The following FN1 variants were observed in gnomAD, a reference collection of about 807,000 sequenced individuals.
FN1 encodes fibronectin 1.
A neutral mutation model predicts 297.3 loss-of-function variants in FN1; 106 were observed. That is an observed-to-expected ratio of 0.36 (90% CI 0.30 to 0.42). The LOEUF is 0.42. Among genes scored for constraint, FN1 ranks in the 10% least tolerant of loss-of-function variants. The probability of loss-of-function intolerance (pLI) is 1.00; values close to 1 mark genes in which losing one functional copy is unlikely to be tolerated. For missense variants in FN1, 2,690 were observed against 3,124.9 expected (o/e 0.86, Z 3.32); for synonymous variants, 1,149 against 1,152.6 (o/e 1.00, Z 0.06).
chr2:215,401,512 G>A (rs1416956406), intron 20 of FN1, among the ~76,000 whole-genome samples: 1 of 152,124 alleles, frequency 6.6e-6, no homozygotes, highest in East Asian at 1.9e-4. Context: ...CATAGCTCTG[G>A]TCACATGTTT....
At position 215,404,433 on chromosome 2, in the gene FN1, T is replaced by G; in HGVS notation, c.3209A>C (p.Lys1070Thr). 6.2e-7 allele frequency: 1 copy of G among 1,614,196 alleles called. No individual in the cohort carries two copies. The highest frequency in any genetic ancestry group is 8.5e-7 in the Non-Finnish European group (1 of 1,180,024). Residue 1070 changes from lysine to threonine, a missense_variant, in exon 20 of 46, where the codon AAG becomes ACG. Around this residue, in one of 3 missense-constraint regions of FN1, gnomAD observed 1,743 missense variants for 1,945.2 expected, o/e 0.90. Coordinates refer to ENST00000354785, the MANE Select transcript of FN1 (RefSeq NM_212482.4). Reference protein sequence around the residue: ...SEYTVSLVAIKGNQESPKATG... With the variant: ...SEYTVSLVAITGNQESPKATG... ...GGCTTTGGGGCTCTCTTGGTTGCCC[T>G]TTATGGCCACGAGGGATACGGTGTA...
chr2:215,410,132 C>CAT lies in FN1; in HGVS notation c.1942-19_1942-18insAT. 1 of 631,980 alleles carries CAT rather than the reference C, an allele frequency of 1.6e-6. No individual in the cohort carries two copies. 39.1% of individuals were successfully genotyped at this position (631,980 alleles called of 1,614,324 possible). A position where few individuals can be genotyped will look rare whatever the true frequency, so the allele number is the denominator to read the frequency against. ...GAATTTTTCTGAAAATTTAAATTAA[C>CAT]ACACACACACACACACACACGTGTT... On this transcript the variant is annotated intron_variant, in intron 13 of 45. Transcript: ENST00000354785.
chr2:215,389,293 G>A (rs1308045312), intron 26 of FN1, among the ~76,000 whole-genome samples: 5 of 151,772 alleles, frequency 3.3e-5, no homozygotes, highest in African/African-American at 1.2e-4. Context: ...TAATAGAGAC[G>A]GGGCTTCACC....
intron 2 of FN1, 42 bp downstream of exon 2, chr2:215,434,654 A>T (rs1415847583): frequency 6.2e-7 from 1 of 1,611,754 alleles, no homozygotes; most frequent in African/African-American, 1.3e-5. Flanking sequence ...TTACCACTTC[A>T]TGTATTAAAA....
chr2:215,388,570 G>A (rs1324498467), intron 26 of FN1, among the ~76,000 whole-genome samples: 1 of 152,214 alleles, frequency 6.6e-6, no homozygotes, highest in Non-Finnish European at 1.5e-5. Context: ...CGAGTGGGAT[G>A]AAGTTGCTGC....
intron 20 of FN1, among the ~76,000 whole-genome samples, chr2:215,402,545 T>C (rs1246799789): frequency 6.6e-6 from 1 of 152,196 alleles, no homozygotes; most frequent in African/African-American, 2.4e-5. Flanking sequence ...TACAGAAATT[T>C]AGTAATTTCA....
At chr2:215,433,506 G>A (rs958162796) in intron 2 of FN1, 45 bp from the exon 3 acceptor site, 8 of 1,591,390 alleles carry the variant, frequency 5.0e-6, no homozygotes, top group Non-Finnish European at 6.9e-6. Context: ...TTAGGTACAA[G>A]CTTTTCTAGT....
At position 215,431,927 on chromosome 2, in the gene FN1, A is replaced by G; in HGVS notation, c.453T>C (p.Gly151=). The change falls in exon 4 of 46, where the codon GGT becomes GGC. Residue 151 remains glycine (G), a synonymous_variant. Coordinates refer to ENST00000354785, the MANE Select transcript of FN1 (RefSeq NM_212482.4). ...CHEGGQSYKI[G]DTWRRPHETG... ...TCTCATGTGGTCTCCTCCAGGTGTC[A>G]CCAATCTTGTAGGACTGACCCCCTT... is the stretch of plus-strand genomic sequence containing the variant. The G allele has an allele frequency of 6.2e-7, 1 of 1,614,140 alleles. No homozygotes were observed. Among genetic ancestry groups the G allele is most frequent in the East Asian group, 2.2e-5 (1 of 44,880 alleles).
At chr2:215,382,666 A>T (rs2058371289) in intron 31 of FN1, among the ~76,000 whole-genome samples, 1 of 152,226 alleles carries the variant, frequency 6.6e-6, no homozygotes, top group Non-Finnish European at 1.5e-5. Flanking sequence ...CTATTTAAAA[A>T]CAAAGACAAC....
intron 40 of FN1, 61 bp from the exon 41 acceptor site, chr2:215,370,493 TCTC>T: frequency 2.2e-6 from 3 of 1,383,138 alleles, no homozygotes; most frequent in Non-Finnish European, 3.0e-6. Context: ...TGACACGGGC[TCTC>T]CTCTTACCAA....
intron 20 of FN1, among the ~76,000 whole-genome samples, chr2:215,399,722 C>A (rs1156444782): frequency 6.6e-6 from 1 of 152,114 alleles, no homozygotes; most frequent in Non-Finnish European, 1.5e-5. Flanking sequence ...TAATCTAATT[C>A]ATGTCTTTTT....
intron 23 of FN1, 111 bp from the exon 24 acceptor site, chr2:215,394,830 A>G: frequency 1.3e-6 from 1 of 784,434 alleles, no homozygotes; most frequent in South Asian, 1.4e-5. Flanking sequence ...CTTGGCATTT[A>G]CTGAGGACTC....
intron 13 of FN1, among the ~76,000 whole-genome samples, chr2:215,412,625 C>G (rs776512083): frequency 1.3e-5 from 2 of 152,076 alleles, no homozygotes; most frequent in Non-Finnish European, 2.9e-5. Context: ...TGTGCCCAGA[C>G]AAAGTTGAGG....
chr2:215,388,139 A>G, intron 27 of FN1, 73 bp downstream of exon 27: 1 of 1,044,902 alleles, frequency 9.6e-7, no homozygotes, highest in Non-Finnish European at 1.5e-6. Context: ...TATTTTTAGA[A>G]GTAGCATTTC....
At position 215,410,059 on chromosome 2, in the gene FN1, T is replaced by C. The variant is rs1484756074; in HGVS notation, c.1997A>G (p.Tyr666Cys). 2.5e-6 allele frequency: 4 copies of C among 1,613,996 alleles called. No individual in the cohort carries two copies. Among genetic ancestry groups the C allele is most frequent in the Non-Finnish European group, 3.4e-6 (4 of 1,179,982 alleles). Residue 666 changes from tyrosine to cysteine, a missense_variant, in exon 14 of 46, where the codon TAC becomes TGC. Coordinates refer to ENST00000354785, the MANE Select transcript of FN1 (RefSeq NM_212482.4). ...ACCAGGCTTCAGGCCTTTGATGGTG[T>C]AGGAGTTTAAGTGGCCTGGTATGGT... is the stretch of plus-strand genomic sequence containing the variant. ...EATIPGHLNSYTIKGLKPGVV... is the reference protein window; with the variant it reads ...EATIPGHLNSCTIKGLKPGVV...
intron 15 of FN1, among the ~76,000 whole-genome samples, chr2:215,408,959 CTTTTTTTCTAAA>C (rs1245321212): frequency 6.6e-6 from 1 of 152,118 alleles, no homozygotes; most frequent in Non-Finnish European, 1.5e-5. Context: ...ATTTTTCCAA[CTTTTTTTCTAAA>C]GACGTATAAT....
At position 215,406,992 on chromosome 2, in the gene FN1, A is replaced by C. The variant is rs553070247; in HGVS notation, c.2713+135T>G. The C allele has an allele frequency of 4.6e-5, 34 of 742,450 alleles. No homozygotes were observed. In the African/African-American group the frequency reaches 4.7e-4, roughly 10 times the overall value. 46.0% of individuals were successfully genotyped at this position (742,450 alleles called of 1,614,324 possible). A position where few individuals can be genotyped will look rare whatever the true frequency, so the allele number is the denominator to read the frequency against. The stretch of plus-strand genomic sequence containing the variant: ...ATAAGTTACTTATGACATTTCAGCT[A>C]AATATCAGAAGTTTAGGGAAAAACT... On this transcript the variant is annotated intron_variant, in intron 18 of 45. Coordinates refer to ENST00000354785, the MANE Select transcript of FN1 (RefSeq NM_212482.4).
chr2:215,399,823 A>T (rs1032214539), intron 20 of FN1, among the ~76,000 whole-genome samples: 1 of 152,156 alleles, frequency 6.6e-6, no homozygotes, highest in Admixed American at 6.5e-5. Context: ...GCCACCACAA[A>T]CTGATTATCA....
At chr2:215,396,821 TG>T (rs1321245734) in intron 23 of FN1, among the ~76,000 whole-genome samples, 1 of 152,226 alleles carries the variant, frequency 6.6e-6, no homozygotes, top group East Asian at 1.9e-4. Context: ...TTCAACCATT[TG>T]TTTGGCAATT....
Sources: allele counts gnomAD v4.1 joint callset (sites outside exome capture counted in the v4.1 genomes callset), GRCh38; gene constraint gnomAD v4.1.1; regional missense constraint gnomAD v4.1.1; transcripts MANE v1.5; gene names NCBI Gene and HGNC (gene_info 2026-07-23, HGNC 2026-07-21).